The following PRICKLE4 variants were observed in gnomAD, a reference collection of about 807,000 sequenced individuals.
PRICKLE4 encodes the protein prickle planar cell polarity protein 4.
In PRICKLE4, 40 loss-of-function variants were observed where a neutral mutation model predicts 43.5. The ratio of observed to expected loss-of-function variants is 0.92; its 90% CI spans 0.71 to 1.20. PRICKLE4 has a LOEUF of 1.20. Ranked by LOEUF, PRICKLE4 falls within the 50% of genes most tolerant of loss-of-function variation. The pLI is 0.00. For missense variants in PRICKLE4, 527 were observed against 491.2 expected, an observed-to-expected ratio of 1.07 and a Z score of -0.69; for synonymous variants, 208 against 197.4, an observed-to-expected ratio of 1.05 and a Z score of -0.45.
intron 3 of PRICKLE4, 126 bp downstream of exon 3, chr6:41,783,731 C>G (rs1772590113): frequency 7.3e-7 from 1 of 1,375,800 alleles, no homozygotes; most frequent in Non-Finnish European, 1.0e-6. Context: ...TTTCTCTTTT[C>G]AGGAATTCCT....
chr6:41,786,465 C>T, intron 7 of PRICKLE4, 133 bp downstream of exon 7: 5 of 1,162,154 alleles, frequency 4.3e-6, no homozygotes, highest in East Asian at 2.6e-5. Context: ...ACCCCCCAGA[C>T]CCAAGCCTCG....
At chr6:41,783,738 TC>T (rs779180596) in intron 3 of PRICKLE4, 133 bp downstream of exon 3, 6 of 1,298,362 alleles carry the variant, frequency 4.6e-6, no homozygotes, top group Non-Finnish European at 6.6e-6. Context: ...TTTCAGGAAT[TC>T]CTGTCTCTGC....
Position 41,784,368 on chromosome 6 carries a change from C to T in PRICKLE4, c.240+130C>T, listed in dbSNP as rs117356949. 371 of 704,008 alleles carry T rather than the reference C, an allele frequency of 5.3e-4. 2 individuals carry two copies. In the East Asian group the frequency reaches 0.01, roughly 19 times the overall value. The allele number at this position is 704,008 out of a possible 1,614,324, so 43.6% of individuals were successfully genotyped here. A position where few individuals can be genotyped will look rare whatever the true frequency, so the allele number is the denominator to read the frequency against. On this transcript the variant is annotated intron_variant, in intron 4 of 7. Transcript: ENST00000458694. ...TGCCCAGCTATGGCACTGGTTGGGG[C>T]GTCATTCTCCCCCTGCCTGAGTTTT...
chr6:41,781,148 G>C (rs955057605), intron 1 of PRICKLE4: 2 of 152,814 alleles, frequency 1.3e-5, no homozygotes, highest in African/African-American at 4.8e-5. Flanking sequence ...ACGGAGGCAA[G>C]ACAAGGGGTT....
chr6:41,782,067 C>CTTTTT (rs557402339), intron 2 of PRICKLE4, among the ~76,000 whole-genome samples: 2 of 122,238 alleles, frequency 1.6e-5, no homozygotes, highest in Admixed American at 8.8e-5. Context: ...TTAATAGTCG[C>CTTTTT]TTTTTTTTTT....
At chr6:41,784,430 T>TG (rs1399605194) in intron 4 of PRICKLE4, among the ~76,000 whole-genome samples, 192 bp downstream of exon 4, 1 of 152,260 alleles carries the variant, frequency 6.6e-6, no homozygotes, top group African/African-American at 2.4e-5. Flanking sequence ...CAATAACATC[T>TG]GCTCTGCCCA....
chr6:41,786,135 TCTC>T lies in PRICKLE4; in HGVS notation c.593_595del (p.Ser198del), dbSNP rs767103698. On this transcript the variant is annotated inframe_deletion, in exon 7 of 8. Transcript: ENST00000458694. ...TCCCTCTCCCTCTCCCAGCTGATCT[TCTC>T]CTGGCGCTGCACCGAGGCGGAGGGA... The T allele has an allele frequency of 3.7e-5, 60 of 1,613,404 alleles. No homozygotes were observed. Among genetic ancestry groups the T allele is most frequent in the Non-Finnish European group, 4.6e-5 (54 of 1,179,740 alleles).
At chr6:41,786,438 A>G (rs1448557926) in intron 7 of PRICKLE4, 106 bp downstream of exon 7, 1 of 1,310,930 alleles carries the variant, frequency 7.6e-7, no homozygotes, top group Admixed American at 2.0e-5. Context: ...CCGTCCCTCC[A>G]GGAGCGCCCC....
rs1772614555 is a variant in PRICKLE4, at chr6:41,784,937, G to C, written c.243G>C (p.Glu81Asp). 6.2e-7 allele frequency: 1 copy of C among 1,613,938 alleles called. No individual in the cohort carries two copies. The highest frequency in any genetic ancestry group is 8.5e-7 in the Non-Finnish European group (1 of 1,179,958). ...LQQLPPQDID[E>D]RYCLALGEEE... ...ATTGTAGAGGACTGTTTCTGCAGGA[G>C]CGCTACTGCCTGGCCCTTGGGGAGG... Residue 81 changes from glutamate (E) to aspartate (D), a missense_variant and splice_region_variant, in exon 5 of 8, where the codon GAG becomes GAC. By Grantham distance (45) the Glu-to-Asp change is conservative. Transcript: ENST00000458694.
Position 41,787,430 on chromosome 6 carries a change from T to C in PRICKLE4, c.*301T>C. 3 of 611,596 alleles carry C rather than the reference T, an allele frequency of 4.9e-6. No individual in the cohort carries two copies. Among genetic ancestry groups the C allele is most frequent in the Non-Finnish European group, 5.6e-6 (2 of 358,654 alleles). 37.9% of individuals were successfully genotyped at this position (611,596 alleles called of 1,614,324 possible). On this transcript the variant is annotated 3_prime_UTR_variant, in exon 8 of 8. Coordinates refer to ENST00000458694, the MANE Select transcript of PRICKLE4 (RefSeq NM_013397.6). ...CCCCACCATCCTCCTCCCAAGCCAA[T>C]TAAATGATCACAGCACGCGTGACAG...
intron 2 of PRICKLE4, among the ~76,000 whole-genome samples, chr6:41,781,969 G>A (rs958949213): frequency 5.3e-5 from 8 of 151,970 alleles, no homozygotes; most frequent in Non-Finnish European, 1.2e-4. Context: ...TGTCTGTCCC[G>A]AGCTCTGATT....
In PRICKLE4 at chr6:41,787,142, G is replaced by A. The variant is rs749180792; in HGVS notation, c.*13G>A. ...CACCATGTGCTAGTGGCGCAGCTCA[G>A]AGAGGGGATGTGAGTGGGAGGAAAG... is the stretch of plus-strand genomic sequence containing the variant. On this transcript the variant is annotated 3_prime_UTR_variant, in exon 8 of 8. Coordinates refer to ENST00000458694, the MANE Select transcript of PRICKLE4 (RefSeq NM_013397.6). 3 of 1,587,628 alleles carry A rather than the reference G, an allele frequency of 1.9e-6. No individual in the cohort carries two copies. Among genetic ancestry groups the A allele is most frequent in the African/African-American group, 1.3e-5 (1 of 74,362 alleles).
chr6:41,784,740 G>C, intron 4 of PRICKLE4, 195 bp from the exon 5 acceptor site: 1 of 644,234 alleles, frequency 1.6e-6, no homozygotes, highest in Non-Finnish European at 2.6e-6. Flanking sequence ...ATTCCTAGTG[G>C]GGCAGGGTGA....
intron 2 of PRICKLE4, 83 bp downstream of exon 2, chr6:41,781,603 G>C (rs1200211760): frequency 2.6e-5 from 4 of 152,732 alleles, no homozygotes; most frequent in African/African-American, 9.7e-5. Flanking sequence ...GGAGGGTTCA[G>C]TGCTGGGAAG....
rs746968534 is a variant in PRICKLE4 at position 41,784,242 on chromosome 6, G to C, written c.240+4G>C. On this transcript the variant is annotated splice_donor_region_variant and intron_variant, in intron 4 of 7. Transcript: ENST00000458694. ...ACTCCCTCCGCAGGACATTGATGTG[G>C]GTCTCCTCTCCCCATCTTCCCTCTC... is the stretch of plus-strand genomic sequence containing the variant. 1 of 1,594,776 alleles carries C rather than the reference G, an allele frequency of 6.3e-7. No homozygotes were observed. The highest frequency in any genetic ancestry group is 1.7e-5 in the Admixed American group (1 of 57,232).
Position 41,787,200 on chromosome 6 carries a change from C to A in PRICKLE4, c.*71C>A. 6.6e-7 allele frequency: 1 copy of A among 1,504,800 alleles called. No homozygotes were observed. Among genetic ancestry groups the A allele is most frequent in the South Asian group, 1.3e-5 (1 of 75,452 alleles). 93.2% of individuals were successfully genotyped at this position (1,504,800 alleles called of 1,614,324 possible). Reference sequence around the variant, plus strand: ...TAAAGCGGGAGAACAAGGCTAGCCTCCCCCTAACAATCCTAGACTGAGACG... The same window carrying A: ...TAAAGCGGGAGAACAAGGCTAGCCTACCCCTAACAATCCTAGACTGAGACG... On this transcript the variant is annotated 3_prime_UTR_variant, in exon 8 of 8. Coordinates refer to ENST00000458694, the MANE Select transcript of PRICKLE4 (RefSeq NM_013397.6).
intron 3 of PRICKLE4, chr6:41,783,868 G>A: frequency 2.7e-6 from 2 of 742,802 alleles, no homozygotes; most frequent in Non-Finnish European, 4.8e-6. Context: ...AGGCGTGAAG[G>A]GGGTTAAGAA....
At chr6:41,786,698 T>A in intron 7 of PRICKLE4, 64 bp from the exon 8 acceptor site, 1 of 1,608,128 alleles carries the variant, frequency 6.2e-7, no homozygotes, top group Middle Eastern at 1.7e-4. Context: ...TCACCCCCAC[T>A]AGCTGCGGTG....
rs1346218215 is a variant in PRICKLE4 at position 41,786,166 on chromosome 6, G to A, written c.621G>A (p.Gln207=). ...GGCGCTGCACCGAGGCGGAGGGACA[G>A]CGCTGGCATGAGAACCACTTCTGTT... ...FSWRCTEAEG[Q]RWHENHFCCQ... The change falls in exon 7 of 8, where the codon CAG becomes CAA. Residue 207 remains glutamine (Q), a synonymous_variant. Coordinates refer to ENST00000458694, the MANE Select transcript of PRICKLE4 (RefSeq NM_013397.6). The A allele has an allele frequency of 6.2e-7, 1 of 1,613,700 alleles. No individual in the cohort carries two copies. Among genetic ancestry groups the A allele is most frequent in the South Asian group, 1.1e-5 (1 of 91,030 alleles).
Sources: allele counts gnomAD v4.1 joint callset (sites outside exome capture counted in the v4.1 genomes callset), GRCh38; gene constraint gnomAD v4.1.1; transcripts MANE v1.5; gene names NCBI Gene and HGNC (gene_info 2026-07-23, HGNC 2026-07-21).